HECW1: variants seen among roughly 807,000 people sequenced by gnomAD.
The protein encoded by HECW1 is HECT, C2 and WW domain containing E3 ubiquitin protein ligase 1.
A neutral mutation model predicts 182.3 loss-of-function variants in HECW1; 61 were observed. That is an observed-to-expected ratio of 0.33 (90% confidence interval 0.27 to 0.41). The LOEUF (loss-of-function observed/expected upper bound fraction) is 0.41. HECW1 is among the 10% of genes least tolerant of loss of function. The pLI is 1.00. For synonymous variants in HECW1, 859 were observed against 832.6 expected, an observed-to-expected ratio of 1.03 and a Z score of -0.55; for missense variants, 1,739 against 2,108.9, an observed-to-expected ratio of 0.82 and a Z score of 3.44.
In HECW1 at chr7:43,154,351, C is replaced by T. The variant is rs557556807; in HGVS notation, c.-32+39960C>T. ...GATATGTACTATTAATTTTTCCTTA[C>T]TAGTTAAATATCAGAAGACCAATTT... On this transcript the variant is annotated intron_variant, in intron 2 of 29. Transcript: ENST00000395891. Among the ~76,000 whole-genome samples the T allele has an allele frequency of 2.0e-5, 3 of 152,276 alleles. No homozygotes were observed. In the East Asian group the frequency reaches 5.8e-4, roughly 29 times the overall value.
intron 8 of HECW1, among the ~76,000 whole-genome samples, chr7:43,411,039 C>T (rs1253680314): frequency 7.7e-6 from 1 of 129,132 alleles, no homozygotes; most frequent in African/African-American, 2.9e-5. Context: ...TCCTTTATTG[C>T]CTTCTATTTT....
intron 3 of HECW1, among the ~76,000 whole-genome samples, chr7:43,283,436 T>A (rs1236138755): frequency 1.3e-5 from 2 of 152,222 alleles, no homozygotes; most frequent in Non-Finnish European, 2.9e-5. Flanking sequence ...TAATTCTCAC[T>A]TTTTTTAATT....
chr7:43,514,760 C>T (rs1026681559), intron 24 of HECW1, among the ~76,000 whole-genome samples: 1 of 152,096 alleles, frequency 6.6e-6, no homozygotes, highest in Non-Finnish European at 1.5e-5. Context: ...CCATTGAGAA[C>T]ATGCTAAATA....
chr7:43,442,723 T>C (rs1408988708), intron 10 of HECW1, 94 bp downstream of exon 10: 2 of 854,210 alleles, frequency 2.3e-6, no homozygotes, highest in Non-Finnish European at 3.9e-6. Context: ...TCTCTCCAGA[T>C]GTATCCTAGG....
intron 8 of HECW1, among the ~76,000 whole-genome samples, chr7:43,421,536 A>T (rs2076183197): frequency 6.6e-6 from 1 of 152,236 alleles, no homozygotes; most frequent in Admixed American, 6.5e-5. Context: ...TGTCTAGGTG[A>T]CAGCTAATAT....
chr7:43,458,436 A>AT (rs528656273), intron 13 of HECW1, among the ~76,000 whole-genome samples: 43 of 152,322 alleles, frequency 2.8e-4, no homozygotes, highest in African/African-American at 9.9e-4. Flanking sequence ...AGGTCTCCAA[A>AT]TAAGTTTTAT....
chr7:43,256,609 CAA>C (rs756396122), intron 3 of HECW1, among the ~76,000 whole-genome samples: 47 of 55,356 alleles, frequency 8.5e-4, no homozygotes, highest in African/African-American at 1.1e-3. Flanking sequence ...AACTTCATCT[CAA>C]AAAAAAAAAA....
At chr7:43,350,402 G>T (rs779848757) in intron 5 of HECW1, among the ~76,000 whole-genome samples, 1 of 152,152 alleles carries the variant, frequency 6.6e-6, no homozygotes, top group Non-Finnish European at 1.5e-5. Flanking sequence ...GTATTTGGCT[G>T]TCTAGGTCTC....
At chr7:43,511,433 C>T (rs997474519) in intron 24 of HECW1, 1 of 152,220 alleles carries the variant, frequency 6.6e-6, no homozygotes, top group East Asian at 1.9e-4. Flanking sequence ...GCCTCAGTCC[C>T]GAGAGTCCTC....
intron 11 of HECW1, 131 bp from the exon 12 acceptor site, chr7:43,450,695 GAC>G (rs138588837): frequency 3.8e-4 from 240 of 628,340 alleles, no homozygotes; most frequent in South Asian, 6.2e-4. Context: ...GTAGCAAACT[GAC>G]ACACACACAC....
At chr7:43,494,454 T>C (rs2079042237) in intron 19 of HECW1, among the ~76,000 whole-genome samples, 1 of 151,942 alleles carries the variant, frequency 6.6e-6, no homozygotes, top group Admixed American at 6.6e-5. Context: ...ATGACCTCCC[T>C]ACCCTTCAAA....
At chr7:43,193,404 T>C (rs1794128652) in intron 2 of HECW1, among the ~76,000 whole-genome samples, 1 of 152,094 alleles carries the variant, frequency 6.6e-6, no homozygotes, top group Non-Finnish European at 1.5e-5. Flanking sequence ...TTTTTTGAGA[T>C]GGAAACTTGC....
At chr7:43,138,714 A>C (rs1297575017) in intron 2 of HECW1, among the ~76,000 whole-genome samples, 4 of 152,194 alleles carry the variant, frequency 2.6e-5, no homozygotes, top group Non-Finnish European at 4.4e-5. Flanking sequence ...AGTGACCTAA[A>C]ACCTCAAGCA....
chr7:43,532,720 C>T (rs1208805617), intron 24 of HECW1, among the ~76,000 whole-genome samples: 1 of 152,214 alleles, frequency 6.6e-6, no homozygotes, highest in African/African-American at 2.4e-5. Flanking sequence ...AATGTTGACA[C>T]TCCCTGGCAC....
chr7:43,279,452 C>T (rs369319816), intron 3 of HECW1, among the ~76,000 whole-genome samples: 7 of 152,118 alleles, frequency 4.6e-5, no homozygotes, highest in African/African-American at 1.4e-4. Flanking sequence ...CAAATCCTCT[C>T]GGTGAGCTGC....
rs1805810546 is a variant in HECW1 at position 43,294,615 on chromosome 7, G to A, written c.28-17148G>A. Reference sequence around the variant, plus strand: ...CCCAGCTTCCAGTTTTGTGGCTGTAGCAACATTTCCTGAAGGGGTCAGGAC... The same window carrying A: ...CCCAGCTTCCAGTTTTGTGGCTGTAACAACATTTCCTGAAGGGGTCAGGAC... On this transcript the variant is annotated intron_variant, in intron 3 of 29. Coordinates refer to ENST00000395891, the MANE Select transcript of HECW1 (RefSeq NM_015052.5). 3.9e-5 allele frequency among the ~76,000 whole-genome samples: 6 copies of A among 152,174 alleles called. No individual in the cohort carries two copies. In the South Asian group the frequency reaches 1.0e-3, roughly 26 times the overall value.
At chr7:43,396,672 T>A in intron 6 of HECW1, 142 bp from the exon 7 acceptor site, 1 of 604,130 alleles carries the variant, frequency 1.7e-6, no homozygotes, top group Non-Finnish European at 3.0e-6. Flanking sequence ...AAAGTTGTTT[T>A]AATCAATAGT....
intron 2 of HECW1, among the ~76,000 whole-genome samples, chr7:43,178,129 C>T (rs77025398): frequency 1.3e-5 from 2 of 152,160 alleles, no homozygotes; most frequent in African/African-American, 4.8e-5. Flanking sequence ...GCTTCAGCCT[C>T]CAAAGTAGCT....
intron 26 of HECW1, among the ~76,000 whole-genome samples, chr7:43,544,251 C>G (rs1168866862): frequency 1.3e-5 from 2 of 152,082 alleles, no homozygotes; most frequent in Non-Finnish European, 2.9e-5. Flanking sequence ...TAATACATAA[C>G]ATAAAGACTA....
Sources: allele counts gnomAD v4.1 joint callset (sites outside exome capture counted in the v4.1 genomes callset), GRCh38; gene constraint gnomAD v4.1.1; transcripts MANE v1.5; gene names NCBI Gene and HGNC (gene_info 2026-07-23, HGNC 2026-07-21).